CCDC171: variants seen among roughly 807,000 people sequenced by gnomAD.
The protein encoded by CCDC171 is coiled-coil domain-containing protein 171.
In CCDC171, 177 loss-of-function variants were observed where a neutral mutation model predicts 168.2. That is an observed-to-expected ratio of 1.05 (90% CI 0.93 to 1.19). The LOEUF (loss-of-function observed/expected upper bound fraction) is 1.19, where lower values mean the gene tolerates loss of function less well. Among genes scored for constraint, CCDC171 ranks in the 50% most tolerant of loss-of-function variants. The pLI, the probability that CCDC171 is intolerant of heterozygous loss-of-function variation, is 0.00. For synonymous variants in CCDC171, 687 were observed against 540.8 expected, an observed-to-expected ratio of 1.27 and a Z score of -3.75; for missense variants, 1,991 against 1,539.0, an observed-to-expected ratio of 1.29 and a Z score of -4.91.
chr9:15,972,606 A>C lies in CCDC171; in HGVS notation c.*770A>C, dbSNP rs915016764. ...GGCACTTCATAAGGACAGTTCCCAC[A>C]CTAGGATAGCAGGTAATATATTTAG... On this transcript the variant is annotated 3_prime_UTR_variant, in exon 26 of 26. Coordinates refer to ENST00000380701, the MANE Select transcript of CCDC171 (RefSeq NM_173550.4). 5.3e-5 allele frequency: 8 copies of C among 152,204 alleles called. No homozygotes were observed. 9.4% of individuals were successfully genotyped at this position (152,204 alleles called of 1,614,324 possible).
rs117915042 is a variant in CCDC171 at position 16,036,243 on chromosome 9, G to A, written n.1181+37G>A. 6.2e-3 allele frequency: 943 copies of A among 152,336 alleles called. 7 individuals are homozygous for A. Among genetic ancestry groups the A allele is most frequent in the Admixed American group, 0.014 (215 of 15,302 alleles). The allele number at this position is 152,336 out of a possible 1,614,324, so 9.4% of individuals were successfully genotyped here. ...ACAGAAACTACATTAGTTGTCTTGGGAACGTGAATTGGAAAGGCAAGTATT... is the reference window on the plus strand; with the variant it reads ...ACAGAAACTACATTAGTTGTCTTGGAAACGTGAATTGGAAAGGCAAGTATT... On this transcript the variant is annotated intron_variant and non_coding_transcript_variant, in intron 8 of 9. Transcript: ENST00000486641.
intron 4 of CCDC171, among the ~76,000 whole-genome samples, chr9:15,590,854 T>TC (rs1432638352): frequency 1.4e-5 from 2 of 147,370 alleles, no homozygotes; most frequent in African/African-American, 2.5e-5. Context: ...TTTCTTTCTT[T>TC]TTTCTTTCTT....
chr9:15,767,393 C>G (rs1364306943), intron 18 of CCDC171, among the ~76,000 whole-genome samples: 1 of 152,178 alleles, frequency 6.6e-6, no homozygotes, highest in African/African-American at 2.4e-5. Flanking sequence ...TGACTCTGAC[C>G]TCTTCTTCTG....
rs150528414 is a variant in CCDC171, at chr9:15,833,433, A to G, written c.3268-13269A>G. 7.0e-4 allele frequency among the ~76,000 whole-genome samples: 107 copies of G among 152,336 alleles called. 4 individuals carry two copies. The highest frequency in any genetic ancestry group is 2.2e-3 in the African/African-American group (93 of 41,572). ...AACTATTTGGAATTTTGTAAATGATATTCATTTATGTTGTGCCACTTAAAA... is the reference window on the plus strand; with the variant it reads ...AACTATTTGGAATTTTGTAAATGATGTTCATTTATGTTGTGCCACTTAAAA... On this transcript the variant is annotated intron_variant, in intron 21 of 25. Coordinates refer to ENST00000380701, the MANE Select transcript of CCDC171 (RefSeq NM_173550.4).
At chr9:15,776,992 C>G (rs571742036) in intron 18 of CCDC171, among the ~76,000 whole-genome samples, 11 of 152,294 alleles carry the variant, frequency 7.2e-5, no homozygotes, top group African/African-American at 2.6e-4. Flanking sequence ...GTAAATAAAC[C>G]TATTAACCAT....
chr9:15,813,140 C>CT (rs2059426793), intron 21 of CCDC171, among the ~76,000 whole-genome samples: 1 of 152,202 alleles, frequency 6.6e-6, no homozygotes, highest in South Asian at 2.1e-4. Flanking sequence ...TCCTTTGGGG[C>CT]TTGCTAGAGT....
chr9:15,734,873 A>G (rs1007418406), intron 16 of CCDC171, among the ~76,000 whole-genome samples: 1 of 152,184 alleles, frequency 6.6e-6, no homozygotes, highest in Non-Finnish European at 1.5e-5. Flanking sequence ...TGAGTTATAG[A>G]GGATGTTTGG....
the CCDC171 span, among the ~76,000 whole-genome samples, chr9:16,083,900 C>G: frequency 2.0e-5 from 3 of 152,192 alleles, no homozygotes; most frequent in African/African-American, 7.2e-5. Context: ...CTGCAGGGCT[C>G]AGTCCTCCCT....
chr9:15,983,820 G>GTGTGTGTGTA (rs1295383392), intron 3 of CCDC171, among the ~76,000 whole-genome samples: 2 of 142,328 alleles, frequency 1.4e-5, no homozygotes, highest in African/African-American at 5.3e-5. Flanking sequence ...TAAAGAGAGT[G>GTGTGTGTGTA]TGTGTGTGTG....
chr9:15,987,406 C>A (rs900904136), intron 3 of CCDC171, among the ~76,000 whole-genome samples: 7 of 151,886 alleles, frequency 4.6e-5, no homozygotes, highest in Non-Finnish European at 1.0e-4. Context: ...GCACATGTAC[C>A]CCTTGAACCT....
chr9:15,929,513 T>C (rs1826258110), intron 25 of CCDC171, among the ~76,000 whole-genome samples: 1 of 151,664 alleles, frequency 6.6e-6, no homozygotes, highest in African/African-American at 2.4e-5. Context: ...CTGTCCACCT[T>C]GCAGCCCAAG....
At position 15,724,874 on chromosome 9, in the gene CCDC171, A is replaced by C. The variant is rs141650493; in HGVS notation, c.1590A>C (p.Glu530Asp). ...REALISTLKV[E>D]LQNVLHCWEK... ...CTTTAATAAGCACTTTAAAAGTGGA[A>C]CTACAAAATGTGCTGCACTGTTGGG... is the stretch of plus-strand genomic sequence containing the variant. The change falls in exon 14 of 26, where the codon GAA becomes GAC. Residue 530 changes from glutamate to aspartate, a missense_variant. By Grantham distance (45) the Glu-to-Asp change is conservative. Transcript: ENST00000380701. 115 of 1,613,796 alleles carry C rather than the reference A, an allele frequency of 7.1e-5. No homozygotes were observed. Among genetic ancestry groups the C allele is most frequent in the Non-Finnish European group, 9.3e-5 (110 of 1,179,742 alleles).
At chr9:15,856,255 A>G (rs2061345279) in intron 23 of CCDC171, among the ~76,000 whole-genome samples, 1 of 151,980 alleles carries the variant, frequency 6.6e-6, no homozygotes, top group Non-Finnish European at 1.5e-5. Context: ...CCACAGGTAC[A>G]ATGTTATAAG....
chr9:15,659,735 A>C (rs540621321), intron 8 of CCDC171, among the ~76,000 whole-genome samples: 1 of 152,328 alleles, frequency 6.6e-6, no homozygotes, highest in South Asian at 2.1e-4. Context: ...TTTCATATCA[A>C]GTAGGATGGT....
At chr9:15,749,277 C>T (rs1372698583) in intron 18 of CCDC171, among the ~76,000 whole-genome samples, 1 of 152,100 alleles carries the variant, frequency 6.6e-6, no homozygotes, top group African/African-American at 2.4e-5. Context: ...GCTAACTATC[C>T]TAAATATATA....
chr9:15,750,894 C>G (rs1408587284), intron 18 of CCDC171, among the ~76,000 whole-genome samples: 1 of 152,180 alleles, frequency 6.6e-6, no homozygotes, highest in African/African-American at 2.4e-5. Flanking sequence ...TCTCTCACCA[C>G]TCCTATTCAA....
At chr9:15,855,758 A>G (rs2061326439) in intron 23 of CCDC171, among the ~76,000 whole-genome samples, 1 of 151,828 alleles carries the variant, frequency 6.6e-6, no homozygotes, top group African/African-American at 2.4e-5. Flanking sequence ...TCTTAATTCA[A>G]AACAATCTTG....
At chr9:15,781,367 A>G (rs1423709623) in intron 20 of CCDC171, among the ~76,000 whole-genome samples, 1 of 152,182 alleles carries the variant, frequency 6.6e-6, no homozygotes, top group Admixed American at 6.5e-5. Flanking sequence ...GAGGAAGTGC[A>G]GGAATAAAAA....
At chr9:15,716,266 T>C (rs1433348244) in intron 11 of CCDC171, among the ~76,000 whole-genome samples, 2 of 152,212 alleles carry the variant, frequency 1.3e-5, no homozygotes, top group Non-Finnish European at 2.9e-5. Context: ...TATTCTTCAT[T>C]TGGAATTTCA....
Sources: allele counts gnomAD v4.1 joint callset (sites outside exome capture counted in the v4.1 genomes callset), GRCh38; gene constraint gnomAD v4.1.1; transcripts MANE v1.5; gene names NCBI Gene and HGNC (gene_info 2026-07-23, HGNC 2026-07-21).